The following DAZL variants were observed in gnomAD, a reference collection of about 807,000 sequenced individuals.
The protein encoded by DAZL is deleted in azoospermia like.
DAZL carries 4 observed loss-of-function variants against 45.0 expected under a neutral mutation model. That is an observed-to-expected ratio of 0.09 (90% confidence interval 0.04 to 0.20). The LOEUF is 0.20. DAZL is among the 10% of genes least tolerant of loss of function. The pLI, the probability that DAZL is intolerant of heterozygous loss-of-function variation, is 1.00. For synonymous variants in DAZL, 122 were observed against 112.4 expected, an observed-to-expected ratio of 1.09 and a Z score of -0.54; for missense variants, 326 against 351.3, an observed-to-expected ratio of 0.93 and a Z score of 0.58.
chr3:16,604,119 T>C (rs1165534464), intron 1 of DAZL, among the ~76,000 whole-genome samples: 1 of 152,204 alleles, frequency 6.6e-6, no homozygotes, highest in African/African-American at 2.4e-5. Flanking sequence ...TAGGTGTTTA[T>C]TTTTATTTTA....
intron 3 of DAZL, among the ~76,000 whole-genome samples, chr3:16,597,787 C>T (rs1694623061): frequency 6.6e-6 from 1 of 152,082 alleles, no homozygotes; most frequent in Admixed American, 6.5e-5. Flanking sequence ...TATCCATGAA[C>T]CTGAATTTAA....
rs1310876687 is a variant in DAZL at position 16,587,731 on chromosome 3, CTA to C, written c.*927_*928del. On this transcript the variant is annotated 3_prime_UTR_variant, in exon 11 of 11. Transcript: ENST00000399444. Reference sequence around the variant, plus strand: ...ACTTTACAAAAGGAAATATAACAGACTAAATCTATTTATAGCAAGTAACTAAT... The same window carrying C: ...ACTTTACAAAAGGAAATATAACAGACAATCTATTTATAGCAAGTAACTAAT... 3.2e-5 allele frequency: 5 copies of C among 157,716 alleles called. No individual in the cohort carries two copies. The highest frequency in any genetic ancestry group is 6.9e-5 in the Non-Finnish European group (5 of 72,168). The allele number at this position is 157,716 out of a possible 1,614,324, so 9.8% of individuals were successfully genotyped here. A position where few individuals can be genotyped will look rare whatever the true frequency, so the allele number is the denominator to read the frequency against.
At chr3:16,591,139 C>A (rs1001105922) in intron 10 of DAZL, among the ~76,000 whole-genome samples, 3 of 152,138 alleles carry the variant, frequency 2.0e-5, no homozygotes, top group Admixed American at 2.0e-4. Flanking sequence ...CTTAGAACTA[C>A]AGGGACCCAG....
chr3:16,592,726 T>C (rs529219721), intron 9 of DAZL, among the ~76,000 whole-genome samples: 3 of 152,188 alleles, frequency 2.0e-5, no homozygotes, highest in South Asian at 2.1e-4. Context: ...TGAACTCCAA[T>C]GTTTCAAGAA....
chr3:16,592,008 A>T, intron 10 of DAZL, 42 bp downstream of exon 10: 1 of 1,585,052 alleles, frequency 6.3e-7, no homozygotes, highest in Non-Finnish European at 8.7e-7. Flanking sequence ...TTTAAAGCTA[A>T]CAAGTGTGCT....
At chr3:16,597,115 G>A in intron 4 of DAZL, 64 bp from the exon 5 acceptor site, 1 of 1,495,966 alleles carries the variant, frequency 6.7e-7, no homozygotes, top group South Asian at 1.1e-5. Flanking sequence ...AGACTTGGAT[G>A]AACACCTAAA....
intron 3 of DAZL, among the ~76,000 whole-genome samples, 197 bp from the exon 4 acceptor site, chr3:16,597,738 A>AG (rs1694622316): frequency 6.6e-6 from 1 of 152,226 alleles, no homozygotes; most frequent in African/African-American, 2.4e-5. Flanking sequence ...TGCTAAGATT[A>AG]GGGTAGTGTG....
At chr3:16,592,557 A>G (rs985299373) in intron 9 of DAZL, among the ~76,000 whole-genome samples, 2 of 142,802 alleles carry the variant, frequency 1.4e-5, no homozygotes, top group Non-Finnish European at 3.1e-5. Flanking sequence ...CAACACAGCG[A>G]GACTCTGTCT....
chr3:16,604,854 G>A, intron 1 of DAZL: 3 of 744,146 alleles, frequency 4.0e-6, no homozygotes, highest in Non-Finnish European at 6.2e-6. Flanking sequence ...TGGGGCAGTC[G>A]GGGGTGGGGA....
chr3:16,595,505 G>A (rs1301960073), intron 6 of DAZL, 120 bp from the exon 7 acceptor site: 6 of 585,920 alleles, frequency 1.0e-5, no homozygotes, highest in Non-Finnish European at 1.5e-5. Context: ...ATACAACAAT[G>A]CAGAATTCTA....
chr3:16,595,314 CT>C lies in DAZL; in HGVS notation c.569del (p.Gln190ArgfsTer77). The C allele has an allele frequency of 6.6e-7, 1 of 1,517,580 alleles. No homozygotes were observed. Among genetic ancestry groups the C allele is most frequent in the Non-Finnish European group, 9.0e-7 (1 of 1,112,920 alleles). The allele number at this position is 1,517,580 out of a possible 1,614,324, so 94.0% of individuals were successfully genotyped here. On this transcript the variant is annotated frameshift_variant and splice_region_variant, in exon 7 of 11. Coordinates refer to ENST00000399444, the MANE Select transcript of DAZL (RefSeq NM_001351.4). LOFTEE classifies it high-confidence loss of function. ...TGYQLPVYNYQMPPQWPVGEQ... is the reference protein window; with the variant it reads ...TGYQLPVYNYXMPPQWPVGEQ... ...ATCATTTTACTCCCTTTTAAATTAC[CT>C]GATAATTATATACAGGCAACTGATA...
chr3:16,588,697 T>G lies in DAZL; in HGVS notation c.851A>C (p.His284Pro). ...AAGCATTGCCCGACTTCTTCTAAAG[T>G]GATGCACTCTTTTATCCTGGAAAAG... ...DDYFKDKRVH[H>P]FRRSRAMLKS... The change falls in exon 11 of 11, where the codon CAC becomes CCC. Residue 284 changes from histidine to proline, a missense_variant. Physicochemically the swap from His to Pro is moderately conservative, Grantham distance 77. Around this residue, in one of 3 missense-constraint regions of DAZL, gnomAD observed 227 missense variants for 216.6 expected, o/e 1.05. Coordinates refer to ENST00000399444, the MANE Select transcript of DAZL (RefSeq NM_001351.4). The G allele has an allele frequency of 6.2e-7, 1 of 1,611,702 alleles. No homozygotes were observed. Among genetic ancestry groups the G allele is most frequent in the Non-Finnish European group, 8.5e-7 (1 of 1,178,164 alleles).
rs1694450018 is a variant in DAZL at position 16,587,173 on chromosome 3, G to A, written c.*1487C>T. 1.3e-5 allele frequency: 2 copies of A among 152,136 alleles called. No individual in the cohort carries two copies. Among genetic ancestry groups the A allele is most frequent in the African/African-American group, 4.8e-5 (2 of 41,434 alleles). The allele number at this position is 152,136 out of a possible 1,614,324, so 9.4% of individuals were successfully genotyped here. A position where few individuals can be genotyped will look rare whatever the true frequency, so the allele number is the denominator to read the frequency against. ...ATAAAGCCCTCTTGGGAATTCTAAA[G>A]TTAAAAGACTCTCTCCTTCAGATTC... On this transcript the variant is annotated 3_prime_UTR_variant, in exon 11 of 11. Coordinates refer to ENST00000399444, the MANE Select transcript of DAZL (RefSeq NM_001351.4).
At chr3:16,588,881 T>C (rs1469821376) in intron 10 of DAZL, among the ~76,000 whole-genome samples, 168 bp from the exon 11 acceptor site, 1 of 151,966 alleles carries the variant, frequency 6.6e-6, no homozygotes, top group Non-Finnish European at 1.5e-5. Context: ...TGGGATAACA[T>C]ATATACCAGG....
At position 16,605,386 on chromosome 3, in the gene DAZL, G is replaced by GA; in HGVS notation, c.-182dup. 12 of 742,828 alleles carry GA rather than the reference G, an allele frequency of 1.6e-5. No individual in the cohort carries two copies. The South Asian group carries it at 1.9e-4, about 12-fold the overall frequency. The allele number at this position is 742,828 out of a possible 1,614,324, so 46.0% of individuals were successfully genotyped here. ...GCGGGTGACAAGGCTGAGGAGCCCC[G>GA]AAAGGCGGACCGTCAGGCTGAGGAG... On this transcript the variant is annotated 5_prime_UTR_variant, in exon 1 of 11. Transcript: ENST00000399444.
intron 1 of DAZL, among the ~76,000 whole-genome samples, chr3:16,599,818 A>G (rs1307890617): frequency 1.3e-5 from 2 of 152,222 alleles, no homozygotes; most frequent in Non-Finnish European, 2.9e-5. Flanking sequence ...TAATTTAGTC[A>G]GGAGATCTAG....
At chr3:16,589,070 G>C (rs140040808) in intron 10 of DAZL, among the ~76,000 whole-genome samples, 2,460 of 152,170 alleles carry the variant, frequency 0.016, 72 homozygotes, top group African/African-American at 0.057. Context: ...AAAAAATACT[G>C]TTTTCACTGA....
Position 16,592,116 on chromosome 3 carries a change from TACC to T in DAZL, c.765_767del (p.Val256del). On this transcript the variant is annotated inframe_deletion, in exon 10 of 11. Coordinates refer to ENST00000399444, the MANE Select transcript of DAZL (RefSeq NM_001351.4). ...TGTTCTCTGGATTAAACAGACAAGA[TACC>T]ACCGTTTGTATGCTTCGGTCCACAG... The T allele has an allele frequency of 6.2e-7, 1 of 1,613,734 alleles. No individual in the cohort carries two copies. The highest frequency in any genetic ancestry group is 8.5e-7 in the Non-Finnish European group (1 of 1,179,894).
intron 10 of DAZL, among the ~76,000 whole-genome samples, chr3:16,591,260 G>T (rs1171469115): frequency 6.6e-6 from 1 of 151,926 alleles, no homozygotes; most frequent in Admixed American, 6.6e-5. Context: ...GATTTTTCTG[G>T]AATTCAACTA....
Sources: gnomAD v4.1 joint callset for allele counts (sites outside exome capture counted in the v4.1 genomes callset) on GRCh38, gnomAD v4.1.1 for gene constraint, gnomAD v4.1.1 regional missense constraint, MANE v1.5 for transcripts, NCBI Gene and HGNC (gene_info 2026-07-23, HGNC 2026-07-21) for gene names.